Variants in CORO2A observed in about 807,000 individuals in gnomAD.
CORO2A encodes coronin 2A.
A neutral mutation model predicts 62.4 loss-of-function variants in CORO2A; 47 were observed. That is an observed-to-expected ratio of 0.75 (90% CI 0.60 to 0.96). The LOEUF is 0.96. Among genes scored for constraint, CORO2A ranks in the 40% least tolerant of loss-of-function variants. CORO2A has a pLI of 0.00. For missense variants in CORO2A, 610 were observed against 684.1 expected, an observed-to-expected ratio of 0.89 and a Z score of 1.21; for synonymous variants, 273 against 268.9, an observed-to-expected ratio of 1.02 and a Z score of -0.15.
At chr9:98,169,434 C>T (rs1404042313) in intron 1 of CORO2A, among the ~76,000 whole-genome samples, 1 of 151,784 alleles carries the variant, frequency 6.6e-6, no homozygotes, top group Non-Finnish European at 1.5e-5. Flanking sequence ...ACGGCCCCCA[C>T]CTGCTCTCTA....
At chr9:98,127,424 G>A (rs559254005) in intron 10 of CORO2A, among the ~76,000 whole-genome samples, 15 of 152,296 alleles carry the variant, frequency 9.8e-5, no homozygotes, top group Admixed American at 3.3e-4. Context: ...GCTGGCCCCC[G>A]TGTTGGCAGG....
intron 1 of CORO2A, among the ~76,000 whole-genome samples, chr9:98,177,084 C>T (rs1423789421): frequency 6.6e-6 from 1 of 152,198 alleles, no homozygotes; most frequent in African/African-American, 2.4e-5. Flanking sequence ...TTGGCCTTAT[C>T]TAGGCTCTCC....
Position 98,126,699 on chromosome 9 carries a change from C to G in CORO2A, c.1296G>C (p.Lys432Asn). ...ASPRLLNQTE[K>N]LAAEDGWRSS... Reference sequence around the variant, plus strand: ...ACCTCCAGCCATCTTCTGCAGCCAGCTTTTCTGTCTGATTCAAGAGCCGGG... The same window carrying G: ...ACCTCCAGCCATCTTCTGCAGCCAGGTTTTCTGTCTGATTCAAGAGCCGGG... The change falls in exon 11 of 12, where the codon AAG becomes AAC. Residue 432 changes from lysine to asparagine, a missense_variant. Lys to Asn is a moderately conservative substitution (Grantham distance 94). Transcript: ENST00000375077. 4 of 1,614,228 alleles carry G rather than the reference C, an allele frequency of 2.5e-6. No homozygotes were observed. Among genetic ancestry groups the G allele is most frequent in the Non-Finnish European group, 3.4e-6 (4 of 1,180,046 alleles).
chr9:98,164,611 G>A (rs1253312030), intron 1 of CORO2A, among the ~76,000 whole-genome samples: 2 of 152,192 alleles, frequency 1.3e-5, no homozygotes, highest in Non-Finnish European at 2.9e-5. Context: ...TCACAACTGG[G>A]CTCTGTGAAT....
At chr9:98,151,871 C>T (rs1827728838) in intron 2 of CORO2A, among the ~76,000 whole-genome samples, 2 of 148,642 alleles carry the variant, frequency 1.3e-5, no homozygotes, top group Non-Finnish European at 3.0e-5. Context: ...GGCTGGAGTA[C>T]AGTGGCGCGA....
At chr9:98,179,771 G>A (rs554554885) in intron 1 of CORO2A, among the ~76,000 whole-genome samples, 11 of 152,248 alleles carry the variant, frequency 7.2e-5, no homozygotes, top group African/African-American at 1.9e-4. Flanking sequence ...TTGGGAGGTC[G>A]AGGCAGGTAG....
intron 2 of CORO2A, among the ~76,000 whole-genome samples, chr9:98,143,181 T>A (rs1216588669): frequency 6.6e-6 from 1 of 151,910 alleles, no homozygotes; most frequent in African/African-American, 2.4e-5. Flanking sequence ...CACCTCCAAG[T>A]CTCCAAGGGG....
intron 1 of CORO2A, among the ~76,000 whole-genome samples, chr9:98,185,036 C>T (rs1025718410): frequency 1.3e-5 from 2 of 152,162 alleles, no homozygotes; most frequent in African/African-American, 2.4e-5. Flanking sequence ...AAGAAACTGA[C>T]GCTTAGAGAA....
chr9:98,180,847 C>T (rs1828167396), intron 1 of CORO2A, among the ~76,000 whole-genome samples: 1 of 152,158 alleles, frequency 6.6e-6, no homozygotes, highest in Non-Finnish European at 1.5e-5. Context: ...TGACACAATG[C>T]ATCAAGCAAT....
chr9:98,186,062 C>G (rs1056212249), intron 1 of CORO2A, among the ~76,000 whole-genome samples: 4 of 152,252 alleles, frequency 2.6e-5, no homozygotes, highest in African/African-American at 9.6e-5. Flanking sequence ...TGGGCAGGGT[C>G]ATGCCATTTG....
chr9:98,154,718 C>A (rs1401368087), intron 2 of CORO2A, among the ~76,000 whole-genome samples: 1 of 152,106 alleles, frequency 6.6e-6, no homozygotes, highest in Non-Finnish European at 1.5e-5. Flanking sequence ...ATTTGTTTGG[C>A]TTATTTCACT....
intron 2 of CORO2A, among the ~76,000 whole-genome samples, chr9:98,152,876 C>T (rs1827746055): frequency 6.6e-6 from 1 of 151,902 alleles, no homozygotes; most frequent in Admixed American, 6.6e-5. Flanking sequence ...GAGATGACAA[C>T]TAATGTGTGG....
At chr9:98,147,544 T>C (rs779595690) in intron 2 of CORO2A, among the ~76,000 whole-genome samples, 9 of 152,170 alleles carry the variant, frequency 5.9e-5, no homozygotes, top group Non-Finnish European at 1.3e-4. Context: ...CTATTGAAAA[T>C]GCAATTGGCA....
At chr9:98,144,049 T>C (rs1000366950) in intron 2 of CORO2A, among the ~76,000 whole-genome samples, 2 of 151,942 alleles carry the variant, frequency 1.3e-5, no homozygotes, top group Non-Finnish European at 2.9e-5. Context: ...ATTAGTCCGG[T>C]GTAGGGATGC....
chr9:98,166,526 A>G (rs1473123802), intron 1 of CORO2A, among the ~76,000 whole-genome samples: 1 of 152,222 alleles, frequency 6.6e-6, no homozygotes, highest in Non-Finnish European at 1.5e-5. Flanking sequence ...AAGCAAGCAA[A>G]CAATTTGATT....
At chr9:98,131,713 G>C (rs890760298) in intron 6 of CORO2A, among the ~76,000 whole-genome samples, 1 of 152,130 alleles carries the variant, frequency 6.6e-6, no homozygotes, top group Non-Finnish European at 1.5e-5. Flanking sequence ...GAGACTCAGA[G>C]AGAAAATGTG....
chr9:98,191,914 T>C (rs1003493879), intron 1 of CORO2A, among the ~76,000 whole-genome samples: 1 of 152,194 alleles, frequency 6.6e-6, no homozygotes. Flanking sequence ...TATACCACTC[T>C]CTAAATCGAG....
chr9:98,183,486 T>C (rs542148764), intron 1 of CORO2A, among the ~76,000 whole-genome samples: 1 of 152,368 alleles, frequency 6.6e-6, no homozygotes, highest in South Asian at 2.1e-4. Flanking sequence ...AGCCTGCTGA[T>C]GTCAGACCGG....
chr9:98,169,802 C>T (rs530158303), intron 1 of CORO2A, among the ~76,000 whole-genome samples: 20 of 152,344 alleles, frequency 1.3e-4, no homozygotes, highest in African/African-American at 4.3e-4. Context: ...CTGCCTAGAA[C>T]TAAGCCAGCT....
Sources: gnomAD v4.1 joint callset for allele counts (sites outside exome capture counted in the v4.1 genomes callset) on GRCh38, gnomAD v4.1.1 for gene constraint, MANE v1.5 for transcripts, NCBI Gene and HGNC (gene_info 2026-07-23, HGNC 2026-07-21) for gene names.